Variants in ST3GAL6 observed in about 807,000 individuals in gnomAD.
ST3GAL6 encodes the protein ST3 beta-galactoside alpha-2,3-sialyltransferase 6, also known as type 2 lactosamine alpha-2,3-sialyltransferase.
ST3GAL6 carries 31 observed loss-of-function variants against 40.5 expected under a neutral mutation model. That is an observed-to-expected ratio of 0.77 (90% CI 0.58 to 1.03). The LOEUF is 1.03. Ranked by LOEUF, ST3GAL6 falls within the 50% of genes least tolerant of loss-of-function variation. The pLI is 0.00. For synonymous variants in ST3GAL6, 129 were observed against 136.9 expected (o/e 0.94, Z 0.40); for missense variants, 357 against 393.2 (o/e 0.91, Z 0.78).
At chr3:98,740,022 A>G (rs979874993) in intron 1 of ST3GAL6, among the ~76,000 whole-genome samples, 1 of 152,230 alleles carries the variant, frequency 6.6e-6, no homozygotes, top group Admixed American at 6.5e-5. Context: ...TTTAAAGCCA[A>G]TATTTCAGGT....
At chr3:98,760,702 C>T (rs1937660939), upstream of ST3GAL6, among the ~76,000 whole-genome samples, 1 of 152,096 alleles carries the variant, frequency 6.6e-6, no homozygotes, top group Admixed American at 6.5e-5. Context: ...TAAAGTTAAA[C>T]GTGTTTACCA....
rs1437829455 is a variant in ST3GAL6 at position 98,794,074 on chromosome 3, T to TAA, written c.*314_*315dup. ...TTTTTGAAGGGATATGACTTCCTAC[T>TAA]AAGGATTTAGTTTACCACAACAATT... On this transcript the variant is annotated 3_prime_UTR_variant, in exon 10 of 10. Coordinates refer to ENST00000483910, the MANE Select transcript of ST3GAL6 (RefSeq NM_001323368.2). 1.1e-5 allele frequency: 2 copies of TAA among 175,762 alleles called. No individual in the cohort carries two copies. The highest frequency in any genetic ancestry group is 2.4e-5 in the Non-Finnish European group (2 of 83,530). 10.9% of individuals were successfully genotyped at this position (175,762 alleles called of 1,614,324 possible).
At chr3:98,749,931 A>C (rs1401694771) in intron 1 of ST3GAL6, among the ~76,000 whole-genome samples, 1 of 152,192 alleles carries the variant, frequency 6.6e-6, no homozygotes, top group Non-Finnish European at 1.5e-5. Flanking sequence ...GCTTTTAAGA[A>C]ATTCTTATAG....
chr3:98,793,701 G>A lies in ST3GAL6; in HGVS notation c.936G>A (p.Glu312=). ...NKNAYHNVTA[E]QLFLKDIIEK... ...ACGCGTATCACAATGTGACTGCAGA[G>A]CAGCTCTTTTTGAAGGACATTATAG... Residue 312 remains glutamate (E), a synonymous_variant, in exon 10 of 10, where the codon GAG becomes GAA. Transcript: ENST00000483910. The A allele has an allele frequency of 6.3e-7, 1 of 1,596,976 alleles. No homozygotes were observed. The highest frequency in any genetic ancestry group is 8.5e-7 in the Non-Finnish European group (1 of 1,172,972).
chr3:98,782,916 T>TAAA (rs146639808), intron 5 of ST3GAL6: 382,322 of 385,328 alleles, frequency 0.99, 189,751 homozygotes, highest in East Asian at 1. Context: ...TCAGAAGTGT[T>TAAA]ACTCAGCTCA....
At chr3:98,763,154 A>G (rs1488834528), upstream of ST3GAL6, 6 of 985,334 alleles carry the variant, frequency 6.1e-6, no homozygotes, top group South Asian at 1.9e-4. Context: ...TAGGGGACCT[A>G]TGAGGCTGGA....
At chr3:98,757,172 G>A (rs886405402) in intron 1 of ST3GAL6, among the ~76,000 whole-genome samples, 3 of 152,132 alleles carry the variant, frequency 2.0e-5, no homozygotes, top group African/African-American at 7.2e-5. Context: ...ATATATGCAG[G>A]CACTCAATGA....
intron 1 of ST3GAL6, among the ~76,000 whole-genome samples, chr3:98,743,802 G>C (rs904714873): frequency 2.0e-5 from 3 of 151,990 alleles, no homozygotes; most frequent in African/African-American, 7.3e-5. Context: ...ATTAATTAGC[G>C]CCTGGTATTC....
chr3:98,769,066 C>A (rs904476401), intron 2 of ST3GAL6, among the ~76,000 whole-genome samples: 1 of 152,104 alleles, frequency 6.6e-6, no homozygotes, highest in Admixed American at 6.5e-5. Flanking sequence ...ATTGTCAGTC[C>A]TTTGGCTAGG....
At chr3:98,733,487 C>G in intron 1 of ST3GAL6, 1 of 988,364 alleles carries the variant, frequency 1.0e-6, no homozygotes, top group South Asian at 4.7e-5. Context: ...CTGGAAGGTT[C>G]TGGTCTCTTA....
chr3:98,772,840 T>G lies in ST3GAL6; in HGVS notation c.195T>G (p.Cys65Trp). 6.2e-7 allele frequency: 1 copy of G among 1,613,472 alleles called. No homozygotes were observed. The highest frequency in any genetic ancestry group is 8.5e-7 in the Non-Finnish European group (1 of 1,179,516). Residue 65 changes from cysteine (C) to tryptophan (W), a missense_variant, in exon 4 of 10, where the codon TGT (cysteine) becomes TGG (tryptophan). By Grantham distance (215) the Cys-to-Trp change is radical. Coordinates refer to ENST00000483910, the MANE Select transcript of ST3GAL6 (RefSeq NM_001323368.2). ...TTCATCAGTTTCACCCTTTTCTGTG[T>G]GCGGCTGATTTTAGAAAGATTGCTT... is the stretch of plus-strand genomic sequence containing the variant. ...LRFHQFHPFL[C>W]AADFRKIASL...
intron 5 of ST3GAL6, among the ~76,000 whole-genome samples, chr3:98,774,924 C>A (rs1281796656): frequency 6.6e-6 from 1 of 152,204 alleles, no homozygotes; most frequent in Non-Finnish European, 1.5e-5. Flanking sequence ...ACTATGCCAT[C>A]AACCTAATCA....
At chr3:98,739,153 G>A (rs1037119612) in intron 1 of ST3GAL6, among the ~76,000 whole-genome samples, 2 of 152,110 alleles carry the variant, frequency 1.3e-5, no homozygotes, top group Non-Finnish European at 2.9e-5. Flanking sequence ...AAACTAATCA[G>A]AACAAAGATA....
chr3:98,773,804 A>G lies in ST3GAL6; in HGVS notation c.272-116A>G, dbSNP rs1358964611. ...GTATCATTAATTTTTCACAGAATAAATCAATGTGGCCATGCTGGTTGGAAA... is the reference window on the plus strand; with the variant it reads ...GTATCATTAATTTTTCACAGAATAAGTCAATGTGGCCATGCTGGTTGGAAA... On this transcript the variant is annotated intron_variant, in intron 4 of 9. Coordinates refer to ENST00000483910, the MANE Select transcript of ST3GAL6 (RefSeq NM_001323368.2). 3 of 703,226 alleles carry G rather than the reference A, an allele frequency of 4.3e-6. No homozygotes were observed. The African/African-American group carries it at 5.3e-5, about 12-fold the overall frequency. The allele number at this position is 703,226 out of a possible 1,614,324, so 43.6% of individuals were successfully genotyped here.
chr3:98,783,213 C>T (rs1940349840), intron 5 of ST3GAL6: 1 of 156,250 alleles, frequency 6.4e-6, no homozygotes. Context: ...CCTGCACTGA[C>T]CACCGTTCTC....
intron 1 of ST3GAL6, chr3:98,733,200 G>GACCAT: frequency 1.1e-6 from 1 of 931,274 alleles, no homozygotes; most frequent in South Asian, 4.9e-5. Context: ...GGCGTAAAGG[G>GACCAT]ACCATGGGCG....
At chr3:98,756,421 G>A in intron 1 of ST3GAL6, 2 of 1,289,682 alleles carry the variant, frequency 1.6e-6, no homozygotes, top group Non-Finnish European at 1.0e-6. Flanking sequence ...ATTTCTAACA[G>A]AGAGGCCCCA....
At chr3:98,746,494 C>G (rs938218195) in intron 1 of ST3GAL6, among the ~76,000 whole-genome samples, 1 of 151,920 alleles carries the variant, frequency 6.6e-6, no homozygotes, top group African/African-American at 2.4e-5. Flanking sequence ...GAGAAATGCC[C>G]TTTGAATTTT....
At chr3:98,764,313 TA>T (rs936698057) in intron 1 of ST3GAL6, among the ~76,000 whole-genome samples, 1 of 151,328 alleles carries the variant, frequency 6.6e-6, no homozygotes, top group East Asian at 1.9e-4. Context: ...TAGGGGAGTC[TA>T]AAAAAAAACC....
Sources: gnomAD v4.1 joint callset for allele counts (sites outside exome capture counted in the v4.1 genomes callset) on GRCh38, gnomAD v4.1.1 for gene constraint, MANE v1.5 for transcripts, NCBI Gene and HGNC (gene_info 2026-07-23, HGNC 2026-07-21) for gene names.